Variants in WWOX observed in about 807,000 individuals in gnomAD.
WWOX encodes WW domain containing oxidoreductase.
Under a neutral mutation model 46.2 loss-of-function variants are expected in WWOX, and 69 were observed. The observed-to-expected ratio is 1.49, with a 90% confidence interval of 1.23 to 1.82. The LOEUF (loss-of-function observed/expected upper bound fraction) is 1.82, where lower values mean the gene tolerates loss of function less well. Ranked by LOEUF, WWOX falls within the 40% of genes most tolerant of loss-of-function variation. The probability of loss-of-function intolerance (pLI) is 0.00; values close to 1 mark genes in which losing one functional copy is unlikely to be tolerated. For missense variants in WWOX, 919 were observed against 542.6 expected, an observed-to-expected ratio of 1.69 and a Z score of -6.89; for synonymous variants, 359 against 202.6, an observed-to-expected ratio of 1.77 and a Z score of -6.56.
chr16:79,156,495 C>A (rs1168582654), intron 8 of WWOX, among the ~76,000 whole-genome samples: 1 of 152,154 alleles, frequency 6.6e-6, no homozygotes, highest in Non-Finnish European at 1.5e-5. Flanking sequence ...AAATATTACA[C>A]AGGTGGGTTC....
intron 8 of WWOX, among the ~76,000 whole-genome samples, chr16:79,036,651 CTCTGTT>C (rs1233581413): frequency 6.6e-6 from 1 of 152,132 alleles, no homozygotes; most frequent in Non-Finnish European, 1.5e-5. Flanking sequence ...CTCTCTGAAG[CTCTGTT>C]TTTGGAAGGA....
intron 8 of WWOX, among the ~76,000 whole-genome samples, chr16:78,626,219 C>T (rs2046308407): frequency 6.6e-6 from 1 of 152,004 alleles, no homozygotes; most frequent in African/African-American, 2.4e-5. Context: ...CAACCTCCGC[C>T]TCGCAGGTTT....
intron 8 of WWOX, among the ~76,000 whole-genome samples, chr16:79,082,778 G>T (rs1597358159): frequency 6.6e-6 from 1 of 151,758 alleles, no homozygotes; most frequent in East Asian, 1.9e-4. Context: ...AAGATGGGAG[G>T]GAGGTGATAT....
At position 79,003,514 on chromosome 16, in the gene WWOX, G is replaced by T. The variant is rs2047134412; in HGVS notation, c.1057-208094G>T. ...CATGATTTTCTGGGTCAGGACTCTG[G>T]ATAGGGTTTGGCTGGTTGAGTCTCC... On this transcript the variant is annotated intron_variant, in intron 8 of 8. Transcript: ENST00000566780. 2.0e-5 allele frequency among the ~76,000 whole-genome samples: 3 copies of T among 152,326 alleles called. No homozygotes were observed. In the South Asian group the frequency reaches 6.2e-4, roughly 32 times the overall value.
intron 8 of WWOX, among the ~76,000 whole-genome samples, chr16:79,114,112 G>T (rs2049466321): frequency 1.3e-5 from 2 of 152,142 alleles, no homozygotes; most frequent in African/African-American, 2.4e-5. Context: ...TTAGAGCCAG[G>T]ATTTGAACCC....
chr16:78,598,462 A>G (rs969395085), intron 8 of WWOX, among the ~76,000 whole-genome samples: 3 of 152,062 alleles, frequency 2.0e-5, no homozygotes, highest in African/African-American at 7.2e-5. Flanking sequence ...GCCCCTGTGC[A>G]TTTTGGTTCA....
intron 8 of WWOX, among the ~76,000 whole-genome samples, chr16:78,830,950 C>T (rs796528749): frequency 1.9e-4 from 29 of 152,242 alleles, no homozygotes; most frequent in African/African-American, 6.7e-4. Context: ...TCATTGCAAA[C>T]ATGTTTAGGA....
At chr16:79,009,558 C>T (rs140954694) in intron 8 of WWOX, among the ~76,000 whole-genome samples, 1 of 152,110 alleles carries the variant, frequency 6.6e-6, no homozygotes, top group African/African-American at 2.4e-5. Context: ...ACCTCTGCCT[C>T]CTGGGTTCAA....
chr16:78,118,116 A>G (rs962066494), intron 4 of WWOX, among the ~76,000 whole-genome samples: 2 of 151,524 alleles, frequency 1.3e-5, no homozygotes, highest in Non-Finnish European at 2.9e-5. Flanking sequence ...TCACTGATAA[A>G]GAAGGGGACA....
intron 5 of WWOX, among the ~76,000 whole-genome samples, chr16:78,302,157 C>T (rs760865269): frequency 2.6e-5 from 4 of 151,966 alleles, no homozygotes; most frequent in Non-Finnish European, 4.4e-5. Flanking sequence ...GAAGGGGTAT[C>T]GCCATGTTGG....
chr16:78,696,566 A>G (rs2048104235), intron 8 of WWOX, among the ~76,000 whole-genome samples: 1 of 152,208 alleles, frequency 6.6e-6, no homozygotes, highest in Non-Finnish European at 1.5e-5. Context: ...AGTGATCACA[A>G]GGGCAAAGAA....
At chr16:78,376,759 G>C (rs956572758) in intron 5 of WWOX, among the ~76,000 whole-genome samples, 4 of 152,158 alleles carry the variant, frequency 2.6e-5, no homozygotes, top group Non-Finnish European at 5.9e-5. Flanking sequence ...TCTGCTAGCA[G>C]TTAGAATGGC....
rs111625141 is a variant in WWOX, at chr16:78,733,986, G to C, written c.1056+301234G>C. Among the ~76,000 whole-genome samples the C allele has an allele frequency of 1.7e-3, 253 of 152,072 alleles. 2 individuals carry two copies. Among genetic ancestry groups the C allele is most frequent in the African/African-American group, 6.0e-3 (247 of 41,500 alleles). The stretch of plus-strand genomic sequence containing the variant: ...GAGGCGGGAGGATCCTCTGCACCCA[G>C]GTAGCCGAGGCTCCAGTGAGTCATG... On this transcript the variant is annotated intron_variant, in intron 8 of 8. Transcript: ENST00000566780.
chr16:78,665,620 G>A (rs2047312399), intron 8 of WWOX, among the ~76,000 whole-genome samples: 2 of 152,032 alleles, frequency 1.3e-5, no homozygotes, highest in African/African-American at 2.4e-5. Context: ...TGTCAGGGTG[G>A]GTCCTAGTGG....
chr16:78,750,800 C>A (rs759751240), intron 8 of WWOX, among the ~76,000 whole-genome samples: 1 of 152,084 alleles, frequency 6.6e-6, no homozygotes, highest in African/African-American at 2.4e-5. Flanking sequence ...AAGCTGTATC[C>A]ACGTTGCTGC....
chr16:78,715,719 T>C (rs1597483186), intron 8 of WWOX, among the ~76,000 whole-genome samples: 1 of 152,198 alleles, frequency 6.6e-6, no homozygotes. Flanking sequence ...TCAGGTGGTC[T>C]ATCCACCTTG....
intron 5 of WWOX, among the ~76,000 whole-genome samples, chr16:78,335,099 G>A (rs12922516): frequency 0.2 from 30,490 of 152,040 alleles, 3,621 homozygotes; most frequent in East Asian, 0.45. Context: ...TCAGAAGCTT[G>A]TGGGGTGGGG....
intron 8 of WWOX, among the ~76,000 whole-genome samples, chr16:78,706,641 A>G (rs1232306372): frequency 6.6e-6 from 1 of 152,222 alleles, no homozygotes; most frequent in African/African-American, 2.4e-5. Context: ...AATTATGGCA[A>G]CATTGAAAAC....
chr16:79,013,327 G>C (rs1181737885), intron 8 of WWOX, among the ~76,000 whole-genome samples: 2 of 152,208 alleles, frequency 1.3e-5, no homozygotes, highest in Non-Finnish European at 2.9e-5. Flanking sequence ...CTGTGCTGGG[G>C]AGTGGTGAGT....
Sources: allele counts gnomAD v4.1 joint callset (sites outside exome capture counted in the v4.1 genomes callset), GRCh38; gene constraint gnomAD v4.1.1; transcripts MANE v1.5; gene names NCBI Gene and HGNC (gene_info 2026-07-23, HGNC 2026-07-21).